Variants in PTPRM observed in about 807,000 individuals in gnomAD.
PTPRM encodes the protein protein tyrosine phosphatase receptor type M.
A neutral mutation model predicts 186.7 loss-of-function variants in PTPRM; 47 were observed. The ratio of observed to expected loss-of-function variants is 0.25; its 90% CI spans 0.20 to 0.32. PTPRM has a LOEUF of 0.32. PTPRM is among the 10% of genes least tolerant of loss of function. The pLI is 1.00. For synonymous variants in PTPRM, 668 were observed against 674.9 expected (o/e 0.99, Z 0.16); for missense variants, 1,494 against 1,865.0 (o/e 0.80, Z 3.66).
chr18:8,012,926 T>C (rs992960347), intron 7 of PTPRM, among the ~76,000 whole-genome samples: 5 of 152,106 alleles, frequency 3.3e-5, no homozygotes, highest in African/African-American at 7.2e-5. Flanking sequence ...TCAAGGGTGA[T>C]TGGCAGTGGC....
chr18:8,259,940 C>T (rs1258683940), intron 19 of PTPRM, among the ~76,000 whole-genome samples: 1 of 152,158 alleles, frequency 6.6e-6, no homozygotes, highest in Non-Finnish European at 1.5e-5. Flanking sequence ...CCCTCTCTGG[C>T]CCCAGATCTC....
chr18:8,399,369 G>C (rs1240705330), intron 32 of PTPRM, among the ~76,000 whole-genome samples: 1 of 152,060 alleles, frequency 6.6e-6, no homozygotes, highest in Non-Finnish European at 1.5e-5. Context: ...CTAGCACGAG[G>C]GACTCCATTC....
intron 19 of PTPRM, among the ~76,000 whole-genome samples, chr18:8,266,015 G>C (rs1387362896): frequency 1.3e-5 from 2 of 152,088 alleles, no homozygotes; most frequent in Non-Finnish European, 2.9e-5. Context: ...CTCTGTGGCT[G>C]GTTCTGATTT....
chr18:8,102,136 A>G (rs922383795), intron 11 of PTPRM, among the ~76,000 whole-genome samples: 2 of 152,192 alleles, frequency 1.3e-5, no homozygotes, highest in South Asian at 4.1e-4. Flanking sequence ...CATTATTGCT[A>G]AAAGTACTGA....
chr18:8,113,740 C>T lies in PTPRM; in HGVS notation c.2111C>T (p.Ala704Val). 1.2e-6 allele frequency: 2 copies of T among 1,613,470 alleles called. No individual in the cohort carries two copies. The highest frequency in any genetic ancestry group is 1.7e-6 in the Non-Finnish European group (2 of 1,179,576). The stretch of plus-strand genomic sequence containing the variant: ...AAAAGCTACAGAATTTATTTCCAAG[C>T]TGCTAGTAGAGCCAATGGGGTAAGT... ...PYKSYRIYFQAASRANGETKI... is the reference protein window; with the variant it reads ...PYKSYRIYFQVASRANGETKI... The change falls in exon 12 of 33, where the codon GCT becomes GTT. Residue 704 changes from alanine (A) to valine (V), a missense_variant. Ala to Val is a moderately conservative substitution (Grantham distance 64). Around this residue, in one of 3 missense-constraint regions of PTPRM, gnomAD observed 1,107 missense variants for 1,350.2 expected, o/e 0.82. Transcript: ENST00000580170.
chr18:7,817,432 A>G (rs999956273), intron 2 of PTPRM, among the ~76,000 whole-genome samples: 1 of 152,228 alleles, frequency 6.6e-6, no homozygotes, highest in African/African-American at 2.4e-5. Context: ...AAGTTGATAG[A>G]AATGTAATAT....
At chr18:8,147,128 G>A (rs1311093718) in intron 14 of PTPRM, among the ~76,000 whole-genome samples, 1 of 152,154 alleles carries the variant, frequency 6.6e-6, no homozygotes, top group Non-Finnish European at 1.5e-5. Context: ...TCTTGGCTAT[G>A]TGGGCTCTTT....
Position 8,378,377 on chromosome 18 carries a change from C to T in PTPRM, c.3575C>T (p.Pro1192Leu). 6.2e-7 allele frequency: 1 copy of T among 1,614,076 alleles called. No homozygotes were observed. The highest frequency in any genetic ancestry group is 8.5e-7 in the Non-Finnish European group (1 of 1,179,970). Reference sequence around the variant, plus strand: ...TATTATGACATGAACAAACTGGATCCACAGACAAACTCAAGCCAGATTAAA... The same window carrying T: ...TATTATGACATGAACAAACTGGATCTACAGACAAACTCAAGCCAGATTAAA... ...SLYYDMNKLD[P>L]QTNSSQIKEE... The change falls in exon 27 of 33, where the codon CCA becomes CTA. Residue 1192 changes from proline to leucine, a missense_variant. Transcript: ENST00000580170.
chr18:7,908,348 C>A (rs1043542423), intron 4 of PTPRM, among the ~76,000 whole-genome samples: 5 of 152,038 alleles, frequency 3.3e-5, no homozygotes, highest in African/African-American at 1.2e-4. Context: ...ATGGGTCTTT[C>A]CTGATGACCC....
Position 7,896,860 on chromosome 18 carries a change from G to A in PTPRM, c.468+8483G>A, listed in dbSNP as rs568246351. On this transcript the variant is annotated intron_variant, in intron 3 of 32. Transcript: ENST00000580170. ...GGAGTTGAGGGAATAGGGATGACTT[G>A]ATCTTACCTATCTTTTCACATTTTG... is the stretch of plus-strand genomic sequence containing the variant. 9.8e-4 allele frequency among the ~76,000 whole-genome samples: 149 copies of A among 152,308 alleles called. 1 individual carries two copies. In the South Asian group the frequency reaches 0.014, roughly 14 times the overall value.
chr18:7,785,681 A>G (rs2043067908), intron 2 of PTPRM, among the ~76,000 whole-genome samples: 3 of 152,238 alleles, frequency 2.0e-5, no homozygotes, highest in Admixed American at 2.0e-4. Flanking sequence ...AATTGCATTG[A>G]AAGTGTTTAT....
At chr18:8,063,279 G>A (rs377192450) in intron 7 of PTPRM, among the ~76,000 whole-genome samples, 7 of 150,978 alleles carry the variant, frequency 4.6e-5, no homozygotes, top group African/African-American at 9.9e-5. Flanking sequence ...GACCCCTTGC[G>A]CTTCCCAGGT....
chr18:8,328,734 C>T (rs2095393939), intron 22 of PTPRM, among the ~76,000 whole-genome samples: 1 of 152,236 alleles, frequency 6.6e-6, no homozygotes, highest in South Asian at 2.1e-4. Flanking sequence ...TATACAGACC[C>T]TGCCTGCATT....
chr18:8,321,135 T>C (rs2095343003), intron 22 of PTPRM, among the ~76,000 whole-genome samples: 1 of 152,216 alleles, frequency 6.6e-6, no homozygotes, highest in Non-Finnish European at 1.5e-5. Context: ...AACATCAGAT[T>C]TAATACATTC....
chr18:8,064,209 G>A (rs2088867986), intron 7 of PTPRM, among the ~76,000 whole-genome samples: 1 of 152,090 alleles, frequency 6.6e-6, no homozygotes. Flanking sequence ...CCAGCGAGAT[G>A]GGGCAGTAGT....
intron 2 of PTPRM, among the ~76,000 whole-genome samples, chr18:7,871,897 C>T (rs2048001165): frequency 6.6e-6 from 1 of 152,168 alleles, no homozygotes; most frequent in African/African-American, 2.4e-5. Flanking sequence ...TACATATACA[C>T]AGTACATTTT....
intron 1 of PTPRM, among the ~76,000 whole-genome samples, chr18:7,619,930 C>G (rs2037897120): frequency 6.6e-6 from 1 of 152,128 alleles, no homozygotes; most frequent in Non-Finnish European, 1.5e-5. Flanking sequence ...TTCTTCAGCC[C>G]CAGGGTGAGG....
intron 1 of PTPRM, among the ~76,000 whole-genome samples, chr18:7,744,716 C>T (rs1281019570): frequency 6.6e-6 from 1 of 152,140 alleles, no homozygotes; most frequent in African/African-American, 2.4e-5. Flanking sequence ...CTGTATTGGA[C>T]ACCCCCAATA....
intron 1 of PTPRM, among the ~76,000 whole-genome samples, chr18:7,570,406 C>T (rs1230715974): frequency 6.6e-6 from 1 of 152,162 alleles, no homozygotes; most frequent in Non-Finnish European, 1.5e-5. Context: ...ATTGTAAGCT[C>T]CCTGAGGGCA....
Sources: gnomAD v4.1 joint callset for allele counts (sites outside exome capture counted in the v4.1 genomes callset) on GRCh38, gnomAD v4.1.1 for gene constraint, gnomAD v4.1.1 regional missense constraint, MANE v1.5 for transcripts, NCBI Gene and HGNC (gene_info 2026-07-23, HGNC 2026-07-21) for gene names.